The following ISLR2 variants were observed in gnomAD, a reference collection of about 807,000 sequenced individuals.
The protein encoded by ISLR2 is immunoglobulin superfamily containing leucine rich repeat 2.
Under a neutral mutation model 25.5 loss-of-function variants are expected in ISLR2, and 16 were observed. The ratio of observed to expected loss-of-function variants is 0.63; its 90% CI spans 0.43 to 0.95. The LOEUF (loss-of-function observed/expected upper bound fraction) is 0.95. Ranked by LOEUF, ISLR2 falls within the 40% of genes least tolerant of loss-of-function variation. The pLI, the probability that ISLR2 is intolerant of heterozygous loss-of-function variation, is 0.00. For synonymous variants in ISLR2, 508 were observed against 486.6 expected (o/e 1.04, Z -0.58); for missense variants, 883 against 1,030.7 (o/e 0.86, Z 1.96).
chr15:74,135,210 T>A lies in ISLR2; in HGVS notation c.*218T>A, dbSNP rs2072544006. ...GCTGCCATTCTCCCTGCGGGCTGAA[T>A]CCCCTTCCCCGCCAAGCACAGTGTT... On this transcript the variant is annotated 3_prime_UTR_variant, in exon 3 of 3. Transcript: ENST00000453268. 1.6e-6 allele frequency: 1 copy of A among 607,134 alleles called. No individual in the cohort carries two copies. 37.6% of individuals were successfully genotyped at this position (607,134 alleles called of 1,614,324 possible).
In ISLR2 at chr15:74,133,061, A is replaced by G. The variant is rs774810004; in HGVS notation, c.307A>G (p.Asn103Asp). The G allele has an allele frequency of 6.2e-7, 1 of 1,612,988 alleles. No homozygotes were observed. ...GALAVLSQLK[N>D]LDLSHNFISS... ...ACTGGCCGTGCTGAGTCAGCTCAAG[A>G]ACCTCGATCTGAGCCACAACTTCAT... is the stretch of plus-strand genomic sequence containing the variant. Residue 103 changes from asparagine (N) to aspartate (D), a missense_variant, in exon 3 of 3, where the codon AAC becomes GAC. By Grantham distance (23) the Asn-to-Asp change is conservative. Transcript: ENST00000453268.
chr15:74,133,861 C>A lies in ISLR2; in HGVS notation c.1107C>A (p.Arg369=). ...NELGANSTSI[R]VAVAATGPPK... is the part of the protein sequence containing the mutation. ...TGGGCGCCAACTCTACGTCAATACG[C>A]GTGGCGGTGGCAGCAACCGGGCCCC... The change falls in exon 3 of 3, where the codon CGC becomes CGA. Residue 369 remains arginine, a synonymous_variant. Coordinates refer to ENST00000453268, the MANE Select transcript of ISLR2 (RefSeq NM_020851.3). 4 of 1,612,694 alleles carry A rather than the reference C, an allele frequency of 2.5e-6. No homozygotes were observed. The highest frequency in any genetic ancestry group is 3.4e-6 in the Non-Finnish European group (4 of 1,179,578).
In ISLR2 at chr15:74,134,016, G is replaced by A. The variant is rs753570276; in HGVS notation, c.1262G>A (p.Gly421Asp). 7 of 1,613,082 alleles carry A rather than the reference G, an allele frequency of 4.3e-6. No homozygotes were observed. Among genetic ancestry groups the A allele is most frequent in the Non-Finnish European group, 5.9e-6 (7 of 1,179,664 alleles). Reference protein sequence around the residue: ...SKPEGKIKGQGLAKVSILGET... With the variant: ...SKPEGKIKGQDLAKVSILGET... Reference sequence around the variant, plus strand: ...CCCGAGGGCAAAATCAAAGGCCAAGGCCTGGCCAAGGTCAGCATTCTCGGG... The same window carrying A: ...CCCGAGGGCAAAATCAAAGGCCAAGACCTGGCCAAGGTCAGCATTCTCGGG... The change falls in exon 3 of 3, where the codon GGC becomes GAC. Residue 421 changes from glycine to aspartate, a missense_variant. Coordinates refer to ENST00000453268, the MANE Select transcript of ISLR2 (RefSeq NM_020851.3).
In ISLR2 at chr15:74,133,123, C is replaced by A; in HGVS notation, c.369C>A (p.Ser123Arg). Residue 123 changes from serine to arginine, a missense_variant, in exon 3 of 3, where the codon AGC becomes AGA. By Grantham distance (110) the Ser-to-Arg change is moderately radical (BLOSUM62 -1). Coordinates refer to ENST00000453268, the MANE Select transcript of ISLR2 (RefSeq NM_020851.3). ...SFPWSDLRNLSALQLLKMNHN... is the reference protein window; with the variant it reads ...SFPWSDLRNLRALQLLKMNHN... ...CGTGGAGCGACCTGCGCAACCTGAG[C>A]GCGCTGCAGCTGCTCAAAATGAACC... 2 of 1,612,690 alleles carry A rather than the reference C, an allele frequency of 1.2e-6. No homozygotes were observed. The highest frequency in any genetic ancestry group is 1.7e-6 in the Non-Finnish European group (2 of 1,179,972).
Position 74,133,916 on chromosome 15 carries a change from C to G in ISLR2, c.1162C>G (p.Pro388Ala). 6.2e-7 allele frequency: 1 copy of G among 1,604,262 alleles called. No homozygotes were observed. Among genetic ancestry groups the G allele is most frequent in the Non-Finnish European group, 8.5e-7 (1 of 1,175,574 alleles). ...ACACGCGCCTGGCGCCGGGGGAGAA[C>G]CCGACGGACAGGCCCCGACCTCTGA... ...PKHAPGAGGE[P>A]DGQAPTSERK... The change falls in exon 3 of 3, where the codon CCC becomes GCC. Residue 388 changes from proline to alanine, a missense_variant. Around this residue, in one of 2 missense-constraint regions of ISLR2, gnomAD observed 612 missense variants for 642.8 expected, o/e 0.95. Transcript: ENST00000453268.
intron 2 of ISLR2, among the ~76,000 whole-genome samples, chr15:74,118,630 G>A (rs2072229470): frequency 6.8e-6 from 1 of 146,568 alleles, no homozygotes; most frequent in Non-Finnish European, 1.5e-5. Context: ...CAAATGAAGG[G>A]GAAAAATCTG....
At chr15:74,129,341 A>C, upstream of ISLR2, 8 of 248,942 alleles carry the variant, frequency 3.2e-5, no homozygotes, top group South Asian at 8.4e-5. This position sits in a 1 kb window ranked among gnomAD's most constrained non-coding sequence, Gnocchi z 4.5. Context: ...TCTCTTCCCC[A>C]CCCCCTCCCC....
In ISLR2 at chr15:74,110,515, A is replaced by G. The variant is rs544800330; in HGVS notation, n.228+6601A>G. Reference sequence around the variant, plus strand: ...AACTGACATATCCATTCTATGAAATACTATTCAACAATAAAAAGGGGACCA... The same window carrying G: ...AACTGACATATCCATTCTATGAAATGCTATTCAACAATAAAAAGGGGACCA... On this transcript the variant is annotated intron_variant and non_coding_transcript_variant, in intron 2 of 3. Transcript: ENST00000561975. Among the ~76,000 whole-genome samples, 129 of 152,198 alleles carry G rather than the reference A, an allele frequency of 8.5e-4. 1 individual carries two copies. The highest frequency in any genetic ancestry group is 1.5e-3 in the Non-Finnish European group (104 of 68,030).
chr15:74,138,054 G>A (rs1286745641), downstream of ISLR2, among the ~76,000 whole-genome samples: 3 of 151,886 alleles, frequency 2.0e-5, no homozygotes, highest in Non-Finnish European at 4.4e-5. Flanking sequence ...TTCACATAAT[G>A]CTTTGTTCCC....
chr15:74,131,113 G>C (rs1478658362), intron 1 of ISLR2, 94 bp from the exon 2 acceptor site: 1 of 152,688 alleles, frequency 6.5e-6, no homozygotes, highest in Non-Finnish European at 1.5e-5. Context: ...GGAAACGGAC[G>C]CAAAAGGAAA....
At chr15:74,109,613 G>A (rs1159927676) in intron 2 of ISLR2, among the ~76,000 whole-genome samples, 6 of 152,248 alleles carry the variant, frequency 3.9e-5, no homozygotes, top group Middle Eastern at 6.8e-3. Context: ...GAATGAGACC[G>A]ATTCTCACCG....
At position 74,133,042 on chromosome 15, in the gene ISLR2, C is replaced by A. The variant is rs946311097; in HGVS notation, c.288C>A (p.Ala96=). Residue 96 remains alanine, a synonymous_variant, in exon 3 of 3, where the codon GCC becomes GCA. Coordinates refer to ENST00000453268, the MANE Select transcript of ISLR2 (RefSeq NM_020851.3). The stretch of plus-strand genomic sequence containing the variant: ...GCACCGTGGAGCCAGGCGCACTGGC[C>A]GTGCTGAGTCAGCTCAAGAACCTCG... The part of the protein sequence containing the change: ...EVRTVEPGAL[A]VLSQLKNLDL... 2 of 1,613,122 alleles carry A rather than the reference C, an allele frequency of 1.2e-6. No individual in the cohort carries two copies. Among genetic ancestry groups the A allele is most frequent in the African/African-American group, 1.3e-5 (1 of 75,058 alleles).
intron 1 of ISLR2, 22 bp downstream of exon 1, chr15:74,130,643 T>C (rs1331421915): frequency 6.6e-6 from 1 of 152,518 alleles, no homozygotes; most frequent in East Asian, 1.9e-4. Context: ...TGAATGTGTG[T>C]ATGCGTGTGC....
Position 74,133,736 on chromosome 15 carries a change from G to C in ISLR2, c.982G>C (p.Ala328Pro). Residue 328 changes from alanine to proline, a missense_variant, in exon 3 of 3, where the codon GCC (alanine) becomes CCC (proline). This residue lies in a region of ISLR2 where 612 missense variants were observed against 642.8 expected (regional missense o/e 0.95). Transcript: ENST00000453268. ...AGCACCCGCTTGGCCGGCGCCCCCA[G>C]CCACACCGCGCTTCCTGGCCCTCGC... ...TPAPAWPAPPATPRFLALANG... is the reference protein window; with the variant it reads ...TPAPAWPAPPPTPRFLALANG... 1 of 1,611,884 alleles carries C rather than the reference G, an allele frequency of 6.2e-7. No homozygotes were observed. The highest frequency in any genetic ancestry group is 8.5e-7 in the Non-Finnish European group (1 of 1,179,078).
At chr15:74,116,293 G>T (rs949709547) in intron 2 of ISLR2, among the ~76,000 whole-genome samples, 8 of 151,872 alleles carry the variant, frequency 5.3e-5, no homozygotes, top group African/African-American at 1.4e-4. Flanking sequence ...AGGTGTGGTG[G>T]CTCACGCCTG....
intron 2 of ISLR2, among the ~76,000 whole-genome samples, chr15:74,111,275 A>G: frequency 6.6e-6 from 1 of 151,334 alleles, no homozygotes; most frequent in East Asian, 1.9e-4. Context: ...CCATTTATAT[A>G]ATGTTCTTTT....
At position 74,133,686 on chromosome 15, in the gene ISLR2, A is replaced by T; in HGVS notation, c.932A>T (p.Gln311Leu). ...GAAGGAGATGGGGATTTGCTGACGC[A>T]GACCCAAGCCCAAACGCCGACTCCA... ...EGEGDGDLLT[Q>L]TQAQTPTPAP... Residue 311 changes from glutamine (Q) to leucine (L), a missense_variant, in exon 3 of 3, where the codon CAG (glutamine) becomes CTG (leucine). Physicochemically the swap from Gln to Leu is moderately radical, Grantham distance 113. Around this residue, in one of 2 missense-constraint regions of ISLR2, gnomAD observed 612 missense variants for 642.8 expected, o/e 0.95. Coordinates refer to ENST00000453268, the MANE Select transcript of ISLR2 (RefSeq NM_020851.3). 4 of 1,608,024 alleles carry T rather than the reference A, an allele frequency of 2.5e-6. No homozygotes were observed. Among genetic ancestry groups the T allele is most frequent in the Non-Finnish European group, 3.4e-6 (4 of 1,177,240 alleles).
chr15:74,102,355 T>C (rs888182346), intron 1 of ISLR2, among the ~76,000 whole-genome samples: 16 of 129,470 alleles, frequency 1.2e-4, no homozygotes, highest in African/African-American at 4.7e-4. Flanking sequence ...ATCTTAAGAG[T>C]ATTTGAAAAA....
At chr15:74,114,480 G>A (rs746491786) in intron 2 of ISLR2, among the ~76,000 whole-genome samples, 37 of 152,140 alleles carry the variant, frequency 2.4e-4, no homozygotes, top group East Asian at 9.7e-4. Flanking sequence ...ATTTTAGGCC[G>A]GGTGCAGTGG....
Sources: allele counts gnomAD v4.1 joint callset (sites outside exome capture counted in the v4.1 genomes callset), GRCh38; gene constraint gnomAD v4.1.1; regional missense constraint gnomAD v4.1.1; non-coding constraint Gnocchi (gnomAD v3.1); transcripts MANE v1.5; gene names NCBI Gene and HGNC (gene_info 2026-07-23, HGNC 2026-07-21).